CAMTA1: variants seen among roughly 807,000 people sequenced by gnomAD.
The protein encoded by CAMTA1 is calmodulin-binding transcription activator 1.
Under a neutral mutation model 170.9 loss-of-function variants are expected in CAMTA1, and 27 were observed. The observed-to-expected ratio is 0.16, with a 90% CI of 0.12 to 0.22. The LOEUF (loss-of-function observed/expected upper bound fraction) is 0.22. Ranked by LOEUF, CAMTA1 falls within the 10% of genes least tolerant of loss-of-function variation. The probability of loss-of-function intolerance (pLI) is 1.00; values close to 1 mark genes in which losing one functional copy is unlikely to be tolerated. For synonymous variants in CAMTA1, 833 were observed against 891.5 expected, an observed-to-expected ratio of 0.93 and a Z score of 1.17; for missense variants, 1,619 against 2,217.2, an observed-to-expected ratio of 0.73 and a Z score of 5.42.
intron 6 of CAMTA1, among the ~76,000 whole-genome samples, chr1:7,545,797 T>C (rs2094683787): frequency 6.6e-6 from 1 of 152,120 alleles, no homozygotes; most frequent in Admixed American, 6.5e-5. Flanking sequence ...ATTTAGCTAT[T>C]AAGCCCAGCA....
intron 3 of CAMTA1, among the ~76,000 whole-genome samples, chr1:6,920,783 C>T (rs988909606): frequency 1.3e-5 from 2 of 152,210 alleles, no homozygotes; most frequent in Non-Finnish European, 2.9e-5. Context: ...AAGCAACAGC[C>T]TGAGCTATAC....
intron 1 of CAMTA1, among the ~76,000 whole-genome samples, chr1:6,789,636 C>T (rs1450117280): frequency 6.6e-6 from 1 of 152,088 alleles, no homozygotes; most frequent in Non-Finnish European, 1.5e-5. Flanking sequence ...ATTTGCCCTT[C>T]TGGGGAGAAG....
At chr1:6,826,384 G>A (rs1647107998) in intron 3 of CAMTA1, among the ~76,000 whole-genome samples, 1 of 152,174 alleles carries the variant, frequency 6.6e-6, no homozygotes, top group Admixed American at 6.5e-5. Context: ...TAGTTTAGAG[G>A]CCTGCTGTTT....
At chr1:7,440,807 G>A (rs1013045130) in intron 5 of CAMTA1, among the ~76,000 whole-genome samples, 2 of 152,270 alleles carry the variant, frequency 1.3e-5, no homozygotes, top group African/African-American at 2.4e-5. Flanking sequence ...TGCACCCCTC[G>A]GTTTCCTTAG....
At chr1:7,335,137 T>TGGGGGGGG (rs1473139377) in intron 5 of CAMTA1, among the ~76,000 whole-genome samples, 1 of 35,774 alleles carries the variant, frequency 2.8e-5, no homozygotes, top group African/African-American at 6.8e-5. Flanking sequence ...TGTGTGTGTG[T>TGGGGGGGG]GTGGGGGGGG....
At position 7,659,539 on chromosome 1, in the gene CAMTA1, AAAG is replaced by A. The variant is rs1297014373; in HGVS notation, c.665-2178_665-2176del. 5.9e-5 allele frequency among the ~76,000 whole-genome samples: 9 copies of A among 152,194 alleles called. No homozygotes were observed. In the South Asian group the frequency reaches 8.3e-4, roughly 14 times the overall value. ...ACAGAGCGAGACTCTGTCTCAAAAA[AAAG>A]AAGAAGAAAAGAAAAACCATCAGAG... On this transcript the variant is annotated intron_variant, in intron 7 of 22. Coordinates refer to ENST00000303635, the MANE Select transcript of CAMTA1 (RefSeq NM_015215.4).
At chr1:7,549,756 GA>G (rs2094773247) in intron 6 of CAMTA1, among the ~76,000 whole-genome samples, 1 of 151,552 alleles carries the variant, frequency 6.6e-6, no homozygotes, top group Non-Finnish European at 1.5e-5. Flanking sequence ...AAGCATGTCA[GA>G]AAGTGATATG....
intron 3 of CAMTA1, among the ~76,000 whole-genome samples, chr1:6,917,845 C>A (rs1204403183): frequency 1.8e-5 from 1 of 54,352 alleles, no homozygotes; most frequent in African/African-American, 6.4e-5. Context: ...CAAAACCCAT[C>A]GGGGGCGGGG....
chr1:6,891,245 T>C (rs1406754836), intron 3 of CAMTA1, among the ~76,000 whole-genome samples: 1 of 152,232 alleles, frequency 6.6e-6, no homozygotes, highest in Non-Finnish European at 1.5e-5. Flanking sequence ...CCTTACCTGG[T>C]TTCTTGTGCA....
chr1:7,437,785 G>A (rs1010045381), intron 5 of CAMTA1, among the ~76,000 whole-genome samples: 11 of 152,164 alleles, frequency 7.2e-5, no homozygotes, highest in South Asian at 2.1e-4. Context: ...GGTAAGTCCC[G>A]GGCCAGCAGG....
intron 3 of CAMTA1, among the ~76,000 whole-genome samples, chr1:6,897,455 C>T (rs188588673): frequency 0.011 from 291 of 26,030 alleles, 1 homozygote; most frequent in African/African-American, 0.041. Flanking sequence ...CCTGTATTTA[C>T]TGGAAGCCAT....
intron 6 of CAMTA1, among the ~76,000 whole-genome samples, chr1:7,557,286 C>T (rs570203657): frequency 1.3e-5 from 2 of 149,448 alleles, no homozygotes; most frequent in African/African-American, 2.5e-5. Context: ...CCAGCCTGGG[C>T]GACAGAACAA....
At chr1:6,978,687 GAT>G (rs1004858128) in intron 3 of CAMTA1, among the ~76,000 whole-genome samples, 2 of 149,316 alleles carry the variant, frequency 1.3e-5, no homozygotes, top group Admixed American at 6.7e-5. Context: ...ATATATTATA[GAT>G]ATATATATAT....
intron 3 of CAMTA1, among the ~76,000 whole-genome samples, chr1:6,933,936 C>A (rs981750839): frequency 6.6e-6 from 1 of 152,128 alleles, no homozygotes; most frequent in African/African-American, 2.4e-5. Flanking sequence ...TATTCTTGTT[C>A]AAGTTGTTCT....
At chr1:7,423,041 G>A (rs566262170) in intron 5 of CAMTA1, among the ~76,000 whole-genome samples, 3 of 152,114 alleles carry the variant, frequency 2.0e-5, no homozygotes, top group Non-Finnish European at 2.9e-5. Context: ...ATCAGGAGCC[G>A]ATTACTACCA....
At chr1:7,541,914 A>T (rs530716788) in intron 6 of CAMTA1, among the ~76,000 whole-genome samples, 1 of 152,312 alleles carries the variant, frequency 6.6e-6, no homozygotes, top group South Asian at 2.1e-4. Context: ...AAGTCCATGA[A>T]GTCACCAGCA....
intron 3 of CAMTA1, among the ~76,000 whole-genome samples, chr1:6,899,714 G>A (rs963998945): frequency 1.3e-5 from 2 of 152,138 alleles, no homozygotes; most frequent in Non-Finnish European, 2.9e-5. Context: ...ACAAATCATA[G>A]CAGTTGATAC....
chr1:7,760,996 A>G (rs2096970840), intron 22 of CAMTA1, among the ~76,000 whole-genome samples: 1 of 152,192 alleles, frequency 6.6e-6, no homozygotes, highest in Admixed American at 6.5e-5. Flanking sequence ...TTCATAAATG[A>G]TCATTGGACG....
intron 6 of CAMTA1, among the ~76,000 whole-genome samples, chr1:7,550,134 G>C (rs942610741): frequency 6.6e-6 from 1 of 152,042 alleles, no homozygotes; most frequent in Non-Finnish European, 1.5e-5. Flanking sequence ...TGAGGCTAAG[G>C]GTGCCCAGAG....
Sources: allele counts gnomAD v4.1 joint callset (sites outside exome capture counted in the v4.1 genomes callset), GRCh38; gene constraint gnomAD v4.1.1; transcripts MANE v1.5; gene names NCBI Gene and HGNC (gene_info 2026-07-23, HGNC 2026-07-21).